The following GRIK4 variants were observed in gnomAD, a reference collection of about 807,000 sequenced individuals.
GRIK4 encodes the protein glutamate receptor ionotropic, kainate 4.
GRIK4 carries 40 observed loss-of-function variants against 104.9 expected under a neutral mutation model. The ratio of observed to expected loss-of-function variants is 0.38; its 90% CI spans 0.30 to 0.50. The LOEUF is 0.50. GRIK4 is among the 20% of genes least tolerant of loss of function. The probability of loss-of-function intolerance (pLI) is 0.93; values close to 1 mark genes in which losing one functional copy is unlikely to be tolerated. For missense variants in GRIK4, 1,047 were observed against 1,308.1 expected, an observed-to-expected ratio of 0.80 and a Z score of 3.08; for synonymous variants, 485 against 524.9, an observed-to-expected ratio of 0.92 and a Z score of 1.04.
chr11:120,776,387 A>G (rs980249942), intron 3 of GRIK4, among the ~76,000 whole-genome samples: 15 of 152,220 alleles, frequency 9.9e-5, no homozygotes, highest in African/African-American at 3.1e-4. Flanking sequence ...ATTGGAGAGG[A>G]GGAGTTGGAG....
chr11:120,515,222 A>G (rs901444774), intron 1 of GRIK4, among the ~76,000 whole-genome samples: 1 of 152,128 alleles, frequency 6.6e-6, no homozygotes, highest in African/African-American at 2.4e-5. Flanking sequence ...CCAGCCTTCA[A>G]GGTGCTGCTG....
intron 3 of GRIK4, among the ~76,000 whole-genome samples, chr11:120,666,503 G>C (rs575765116): frequency 6.6e-6 from 1 of 152,226 alleles, no homozygotes; most frequent in Non-Finnish European, 1.5e-5. Context: ...GGCAGTGAGC[G>C]TTAGTAAGTG....
At chr11:120,826,918 C>G (rs1191679924) in intron 6 of GRIK4, among the ~76,000 whole-genome samples, 1 of 152,214 alleles carries the variant, frequency 6.6e-6, no homozygotes, top group African/African-American at 2.4e-5. Context: ...CTCCATGGAA[C>G]AGGTCCGACA....
intron 3 of GRIK4, among the ~76,000 whole-genome samples, chr11:120,750,162 A>C (rs1234567197): frequency 6.6e-6 from 1 of 152,070 alleles, no homozygotes; most frequent in African/African-American, 2.4e-5. Flanking sequence ...CTTGACTCCC[A>C]GGCTGGCAAT....
chr11:120,768,146 A>G (rs1442055167), intron 3 of GRIK4, among the ~76,000 whole-genome samples: 1 of 151,868 alleles, frequency 6.6e-6, no homozygotes, highest in African/African-American at 2.4e-5. Flanking sequence ...TTTGGGTAGT[A>G]TGGGCATTTT....
At chr11:120,520,747 C>T (rs1184245472) in intron 1 of GRIK4, among the ~76,000 whole-genome samples, 1 of 152,192 alleles carries the variant, frequency 6.6e-6, no homozygotes, top group African/African-American at 2.4e-5. Flanking sequence ...CTCTCAGCAA[C>T]AGCAGCAGAA....
chr11:120,622,975 G>A (rs111743915), intron 1 of GRIK4, among the ~76,000 whole-genome samples: 2 of 152,290 alleles, frequency 1.3e-5, no homozygotes, highest in African/African-American at 4.8e-5. Context: ...CAGAGGTTCT[G>A]GGAGTTAGGT....
At chr11:120,637,070 A>C (rs1949407158) in intron 1 of GRIK4, among the ~76,000 whole-genome samples, 1 of 151,908 alleles carries the variant, frequency 6.6e-6, no homozygotes, top group African/African-American at 2.4e-5. Context: ...GATGGCCAGC[A>C]GGAGGGAAGA....
chr11:120,847,321 A>C (rs1053732322), intron 8 of GRIK4, among the ~76,000 whole-genome samples: 1 of 152,192 alleles, frequency 6.6e-6, no homozygotes, highest in African/African-American at 2.4e-5. Context: ...ATGAAGAATA[A>C]AATTCTGATT....
rs139549319 is a variant in GRIK4 at position 120,624,163 on chromosome 11, A to G, written c.-158-29522A>G. ...AGTGTTTTTAAGTGATTAAACTGTTATAGCAATAATTATGTTGAAATCTAA... is the reference window on the plus strand; with the variant it reads ...AGTGTTTTTAAGTGATTAAACTGTTGTAGCAATAATTATGTTGAAATCTAA... On this transcript the variant is annotated intron_variant, in intron 1 of 20. Transcript: ENST00000527524. Among the ~76,000 whole-genome samples the G allele has an allele frequency of 3.6e-3, 549 of 152,304 alleles. 1 individual carries two copies. The highest frequency in any genetic ancestry group is 5.3e-3 in the Non-Finnish European group (358 of 68,016).
At chr11:120,599,128 G>A (rs1268372890) in intron 1 of GRIK4, among the ~76,000 whole-genome samples, 2 of 152,220 alleles carry the variant, frequency 1.3e-5, no homozygotes, top group Non-Finnish European at 2.9e-5. Flanking sequence ...ACATCTGGAC[G>A]GGATATCACG....
intron 1 of GRIK4, among the ~76,000 whole-genome samples, chr11:120,628,436 G>C (rs2135177995): frequency 1.3e-5 from 2 of 152,278 alleles, no homozygotes; most frequent in East Asian, 3.9e-4. Flanking sequence ...CTGCTTATTT[G>C]TGTTCCCTGG....
intron 13 of GRIK4, among the ~76,000 whole-genome samples, chr11:120,938,489 G>C (rs580711): frequency 0.91 from 138,623 of 152,208 alleles, 63,567 homozygotes; most frequent in East Asian, 1. Flanking sequence ...GGGGTGGAAC[G>C]TGAATTGGTG....
intron 19 of GRIK4, among the ~76,000 whole-genome samples, chr11:120,975,840 CT>C (rs1315700937): frequency 6.6e-6 from 1 of 152,160 alleles, no homozygotes; most frequent in Non-Finnish European, 1.5e-5. Context: ...GATCCAGGCA[CT>C]TCCACTTGTC....
intron 3 of GRIK4, among the ~76,000 whole-genome samples, chr11:120,751,146 G>A (rs1268684807): frequency 3.3e-5 from 5 of 151,958 alleles, no homozygotes; most frequent in Non-Finnish European, 7.4e-5. Flanking sequence ...CCCCAGGCTT[G>A]CTCACCACCC....
At chr11:120,766,847 G>A (rs1415955737) in intron 3 of GRIK4, among the ~76,000 whole-genome samples, 1 of 151,614 alleles carries the variant, frequency 6.6e-6, no homozygotes, top group East Asian at 1.9e-4. Context: ...GAAATAACCT[G>A]CCTTCTGCGT....
chr11:120,986,033 C>T lies in GRIK4; in HGVS notation c.2644C>T (p.Arg882Trp), dbSNP rs1591360940. 6.6e-7 allele frequency: 1 copy of T among 1,523,086 alleles called. No homozygotes were observed. Among genetic ancestry groups the T allele is most frequent in the Non-Finnish European group, 8.8e-7 (1 of 1,137,022 alleles). 94.3% of individuals were successfully genotyped at this position (1,523,086 alleles called of 1,614,324 possible). ...RPPIPEERRP[R>W]GTATLSNGKL... ...CCCCATCCCCGAGGAGCGCCGACCG[C>T]GGGGCACGGCGACGCTCAGCAACGG... Residue 882 changes from arginine (R) to tryptophan (W), a missense_variant, in exon 21 of 21, where the codon CGG becomes TGG. Arg to Trp is a moderately radical substitution (Grantham distance 101). Coordinates refer to ENST00000527524, the MANE Select transcript of GRIK4 (RefSeq NM_014619.5).
intron 1 of GRIK4, among the ~76,000 whole-genome samples, chr11:120,562,670 G>A (rs1382464110): frequency 6.6e-6 from 1 of 152,168 alleles, no homozygotes; most frequent in Non-Finnish European, 1.5e-5. Flanking sequence ...AGTTCATGGG[G>A]GGCCTTGTAT....
chr11:120,559,287 G>C (rs1402381264), intron 1 of GRIK4, among the ~76,000 whole-genome samples: 1 of 152,190 alleles, frequency 6.6e-6, no homozygotes, highest in Non-Finnish European at 1.5e-5. Context: ...TAATCTCTTG[G>C]CTGTGGATAA....
Sources: gnomAD v4.1 joint callset for allele counts (sites outside exome capture counted in the v4.1 genomes callset) on GRCh38, gnomAD v4.1.1 for gene constraint, MANE v1.5 for transcripts, NCBI Gene and HGNC (gene_info 2026-07-23, HGNC 2026-07-21) for gene names.